Variants in TCF4 observed in about 807,000 individuals in gnomAD.
TCF4 encodes the protein SL3-3 enhancer factor 2.
TCF4 carries 3 observed loss-of-function variants against 82.1 expected under a neutral mutation model. That is an observed-to-expected ratio of 0.04 (90% CI 0.02 to 0.09). The LOEUF is 0.09. Ranked by LOEUF, TCF4 falls within the 10% of genes least tolerant of loss-of-function variation. TCF4 has a pLI of 1.00. For synonymous variants in TCF4, 276 were observed against 309.6 expected, an observed-to-expected ratio of 0.89 and a Z score of 1.14; for missense variants, 518 against 852.7, an observed-to-expected ratio of 0.61 and a Z score of 4.89.
chr18:55,429,072 T>A (rs1231997822), intron 5 of TCF4, among the ~76,000 whole-genome samples: 1 of 152,202 alleles, frequency 6.6e-6, no homozygotes, highest in Non-Finnish European at 1.5e-5. Flanking sequence ...GTTACAATGA[T>A]GCAAATTTTT....
intron 3 of TCF4, among the ~76,000 whole-genome samples, chr18:55,518,014 C>T (rs1030656683): frequency 6.6e-6 from 1 of 152,128 alleles, no homozygotes; most frequent in Non-Finnish European, 1.5e-5. Context: ...ACTTTTTGCA[C>T]AGTAACTTTT....
At chr18:55,420,291 G>A (rs916564982) in intron 5 of TCF4, among the ~76,000 whole-genome samples, 4 of 152,120 alleles carry the variant, frequency 2.6e-5, no homozygotes, top group African/African-American at 9.7e-5. Flanking sequence ...TCATGAAAAT[G>A]AAGGTTTTCT....
intron 16 of TCF4, chr18:55,234,321 A>AT: frequency 1.6e-6 from 1 of 631,968 alleles, no homozygotes; most frequent in Non-Finnish European, 2.7e-6. Flanking sequence ...TTCCCTGCTG[A>AT]TATAGGACCA....
At chr18:55,589,388 A>G, upstream of TCF4, 1 of 1,055,512 alleles carries the variant, frequency 9.5e-7, no homozygotes, top group Non-Finnish European at 1.1e-6. Flanking sequence ...AGTATCTCAC[A>G]TGTGTATCCC....
intron 5 of TCF4, among the ~76,000 whole-genome samples, chr18:55,449,044 TC>T (rs1402421780): frequency 6.6e-6 from 1 of 152,198 alleles, no homozygotes; most frequent in Non-Finnish European, 1.5e-5. Context: ...CTGTTTTATT[TC>T]AGGAGAAACA....
chr18:55,245,190 C>T (rs2052650597), intron 15 of TCF4, among the ~76,000 whole-genome samples: 2 of 152,130 alleles, frequency 1.3e-5, no homozygotes, highest in Admixed American at 6.5e-5. Flanking sequence ...AAACCCTCTT[C>T]TTACTATGAA....
intron 3 of TCF4, among the ~76,000 whole-genome samples, chr18:55,493,249 C>A (rs556201474): frequency 1.3e-5 from 2 of 152,084 alleles, no homozygotes; most frequent in Non-Finnish European, 2.9e-5. Flanking sequence ...ATTTAAAAAA[C>A]CTTTTGGGCT....
rs528908638 is a variant in TCF4 at position 55,535,243 on chromosome 18, T to A, written c.145+50037A>T. Among the ~76,000 whole-genome samples the A allele has an allele frequency of 2.0e-5, 3 of 152,312 alleles. No individual in the cohort carries two copies. The East Asian group carries it at 5.8e-4, about 29-fold the overall frequency. ...AACTCCAGTGTGATCTCTACTGGTG[T>A]ATTAAAGTCATGAGTTAGCAAACTC... On this transcript the variant is annotated intron_variant, in intron 3 of 19. Transcript: ENST00000354452.
chr18:55,251,516 A>T, intron 15 of TCF4, among the ~76,000 whole-genome samples: 1 of 152,328 alleles, frequency 6.6e-6, no homozygotes, highest in Middle Eastern at 3.4e-3. Flanking sequence ...AGAAATGCTT[A>T]TATCACCTTC....
At chr18:55,612,671 A>T (rs2097708203) in intron 2 of TCF4, among the ~76,000 whole-genome samples, 1 of 152,102 alleles carries the variant, frequency 6.6e-6, no homozygotes, top group African/African-American at 2.4e-5. Context: ...ATACAAGAAT[A>T]TATAGTTAGC....
upstream of TCF4, among the ~76,000 whole-genome samples, chr18:55,591,516 GTTTGT>G (rs891795932): frequency 1.1e-4 from 17 of 152,014 alleles, no homozygotes; most frequent in African/African-American, 3.9e-4. Context: ...TTTTTTGTTT[GTTTGT>G]TTTGTTTTGT....
intron 8 of TCF4, among the ~76,000 whole-genome samples, chr18:55,312,706 T>C (rs2072921020): frequency 1.3e-5 from 2 of 152,160 alleles, no homozygotes; most frequent in Admixed American, 1.3e-4. Flanking sequence ...TGTAAACGCT[T>C]TTAACAATCA....
intron 3 of TCF4, among the ~76,000 whole-genome samples, chr18:55,493,067 T>C (rs913990152): frequency 1.3e-5 from 2 of 152,198 alleles, no homozygotes; most frequent in Non-Finnish European, 2.9e-5. Flanking sequence ...TTATTTGGTA[T>C]TAAAATACTC....
intron 3 of TCF4, among the ~76,000 whole-genome samples, chr18:55,477,599 G>C (rs767184417): frequency 2.6e-4 from 40 of 152,110 alleles, no homozygotes; most frequent in Admixed American, 1.3e-4. Flanking sequence ...TTCACCACCA[G>C]GGCACACGCA....
chr18:55,421,929 G>GT (rs2094774402), intron 5 of TCF4, among the ~76,000 whole-genome samples: 2 of 152,008 alleles, frequency 1.3e-5, no homozygotes, highest in Admixed American at 1.3e-4. Context: ...TTAAATATTT[G>GT]TCGATATCTC....
At position 55,365,266 on chromosome 18, in the gene TCF4, T is replaced by C. The variant is rs181600518; in HGVS notation, c.370-14263A>G. Among the ~76,000 whole-genome samples, 1,168 of 138,842 alleles carry C rather than the reference T, an allele frequency of 8.4e-3. 9 individuals carry two copies. Among genetic ancestry groups the C allele is most frequent in the Admixed American group, 0.01 (146 of 13,916 alleles). 91.1% of individuals were successfully genotyped at this position (138,842 alleles called of 152,430 possible). On this transcript the variant is annotated intron_variant, in intron 6 of 19. Coordinates refer to ENST00000354452, the MANE Select transcript of TCF4 (RefSeq NM_001083962.2). ...ATGTGTGTGTATATATATATATATATACACACACACACACATATATATATG... is the reference window on the plus strand; with the variant it reads ...ATGTGTGTGTATATATATATATATACACACACACACACACATATATATATG...
chr18:55,549,038 C>T (rs1023173937), intron 3 of TCF4, among the ~76,000 whole-genome samples: 5 of 152,054 alleles, frequency 3.3e-5, no homozygotes, highest in Non-Finnish European at 5.9e-5. Context: ...TGGTGGTTCA[C>T]ACCTGTAATC....
intron 8 of TCF4, among the ~76,000 whole-genome samples, chr18:55,281,951 C>A (rs1250015444): frequency 6.6e-6 from 1 of 151,888 alleles, no homozygotes; most frequent in East Asian, 1.9e-4. Flanking sequence ...TTCTATTTTT[C>A]TGCTGTTTTA....
intron 10 of TCF4, 70 bp from the exon 11 acceptor site, chr18:55,270,033 T>C: frequency 6.3e-7 from 1 of 1,584,264 alleles, no homozygotes; most frequent in South Asian, 1.1e-5. Flanking sequence ...TTTCAAATAC[T>C]TTTCTCACAA....
Sources: gnomAD v4.1 joint callset for allele counts (sites outside exome capture counted in the v4.1 genomes callset) on GRCh38, gnomAD v4.1.1 for gene constraint, MANE v1.5 for transcripts, NCBI Gene and HGNC (gene_info 2026-07-23, HGNC 2026-07-21) for gene names.